STXBP5L: variants seen among roughly 807,000 people sequenced by gnomAD.
STXBP5L encodes syntaxin binding protein 5L.
Under a neutral mutation model 144.5 loss-of-function variants are expected in STXBP5L, and 65 were observed. The ratio of observed to expected loss-of-function variants is 0.45; its 90% confidence interval spans 0.37 to 0.55. The LOEUF (loss-of-function observed/expected upper bound fraction) is 0.55. STXBP5L is among the 20% of genes least tolerant of loss of function. STXBP5L has a pLI of 0.00. For missense variants in STXBP5L, 1,298 were observed against 1,405.5 expected (o/e 0.92, Z 1.22); for synonymous variants, 505 against 469.6 (o/e 1.08, Z -0.97).
intron 15 of STXBP5L, among the ~76,000 whole-genome samples, chr3:121,252,255 A>G (rs1257516313): frequency 6.6e-6 from 1 of 151,938 alleles, no homozygotes; most frequent in Non-Finnish European, 1.5e-5. Context: ...GGTCCCAGCT[A>G]CTCGGGAGGC....
At chr3:120,908,625 G>T (rs1201906861) in intron 1 of STXBP5L, among the ~76,000 whole-genome samples, 1 of 151,572 alleles carries the variant, frequency 6.6e-6, no homozygotes, top group East Asian at 2.0e-4. Flanking sequence ...CGCTGGGCCT[G>T]GGGGAGGGAC....
At chr3:121,400,049 C>G (rs747867151) in intron 22 of STXBP5L, among the ~76,000 whole-genome samples, 12 of 152,224 alleles carry the variant, frequency 7.9e-5, no homozygotes, top group Non-Finnish European at 1.2e-4. Context: ...TTACTTGTCC[C>G]TTTTGTCTAC....
At chr3:121,401,492 C>T (rs1387778773) in intron 22 of STXBP5L, among the ~76,000 whole-genome samples, 1 of 146,484 alleles carries the variant, frequency 6.8e-6, no homozygotes, top group Admixed American at 7.0e-5. Flanking sequence ...TTGGAACCAA[C>T]CCAAATGTCC....
intron 5 of STXBP5L, among the ~76,000 whole-genome samples, chr3:121,066,806 A>G (rs889620327): frequency 1.3e-5 from 2 of 152,102 alleles, no homozygotes; most frequent in African/African-American, 4.8e-5. Flanking sequence ...CCCTCTTAAA[A>G]TTTGGAAAAA....
At chr3:121,215,125 C>T (rs1577231189) in intron 10 of STXBP5L, among the ~76,000 whole-genome samples, 2 of 152,020 alleles carry the variant, frequency 1.3e-5, no homozygotes, top group Non-Finnish European at 2.9e-5. Flanking sequence ...CTCCGTAATA[C>T]AGCACACTGA....
chr3:120,973,314 CAA>C (rs1940499573), intron 3 of STXBP5L, among the ~76,000 whole-genome samples: 1 of 151,938 alleles, frequency 6.6e-6, no homozygotes, highest in Non-Finnish European at 1.5e-5. Context: ...TATATGTTTT[CAA>C]GAGTTTATTC....
intron 7 of STXBP5L, among the ~76,000 whole-genome samples, chr3:121,151,874 TATTATAATCATG>T (rs1379472386): frequency 1.3e-5 from 2 of 152,116 alleles, no homozygotes; most frequent in Non-Finnish European, 2.9e-5. Flanking sequence ...AAGATGATCA[TATTATAATCATG>T]ATATGTTCTA....
At chr3:121,354,210 A>T (rs1289475572) in intron 20 of STXBP5L, among the ~76,000 whole-genome samples, 1 of 152,192 alleles carries the variant, frequency 6.6e-6, no homozygotes, top group Non-Finnish European at 1.5e-5. Flanking sequence ...TTTGTTGCAG[A>T]GCTGAGTTCA....
intron 19 of STXBP5L, among the ~76,000 whole-genome samples, chr3:121,285,876 G>C (rs912824491): frequency 2.0e-5 from 3 of 151,996 alleles, no homozygotes; most frequent in African/African-American, 7.2e-5. Flanking sequence ...TTCTATAAAT[G>C]TTAGTTATTA....
intron 9 of STXBP5L, among the ~76,000 whole-genome samples, chr3:121,176,390 T>G (rs1293723865): frequency 1.3e-5 from 2 of 149,978 alleles, no homozygotes; most frequent in Non-Finnish European, 3.0e-5. Flanking sequence ...TTGTAGCAAC[T>G]GTCAATAAAA....
At chr3:121,063,869 C>G (rs1367010033) in intron 5 of STXBP5L, among the ~76,000 whole-genome samples, 1 of 152,044 alleles carries the variant, frequency 6.6e-6, no homozygotes, top group Non-Finnish European at 1.5e-5. Context: ...TCAGATCGAC[C>G]TCAGACTGCT....
chr3:121,040,864 A>G (rs1947098249), intron 3 of STXBP5L, among the ~76,000 whole-genome samples: 1 of 152,110 alleles, frequency 6.6e-6, no homozygotes, highest in South Asian at 2.1e-4. Flanking sequence ...TTTGTTACAT[A>G]CATTTTGTAC....
At chr3:121,394,601 G>GA (rs2046679246) in intron 22 of STXBP5L, among the ~76,000 whole-genome samples, 1 of 114,740 alleles carries the variant, frequency 8.7e-6, no homozygotes, top group South Asian at 3.1e-4. Flanking sequence ...GTTTGTTGAG[G>GA]GTTTTTTTTT....
At chr3:121,167,346 C>T (rs974629320) in intron 9 of STXBP5L, among the ~76,000 whole-genome samples, 2 of 152,120 alleles carry the variant, frequency 1.3e-5, no homozygotes, top group African/African-American at 2.4e-5. Context: ...AATCCATCCT[C>T]ATATAAAGAT....
At chr3:121,401,063 G>A (rs1184017494) in intron 22 of STXBP5L, among the ~76,000 whole-genome samples, 4 of 151,874 alleles carry the variant, frequency 2.6e-5, no homozygotes, top group Non-Finnish European at 5.9e-5. Context: ...TGAAATCCAA[G>A]AGCAGGCAGT....
chr3:120,960,774 G>T (rs145476321), intron 3 of STXBP5L, among the ~76,000 whole-genome samples: 2 of 152,056 alleles, frequency 1.3e-5, no homozygotes, highest in East Asian at 1.9e-4. Context: ...GTGGGGGCAG[G>T]GGGGAGGGAT....
chr3:121,067,131 G>A (rs1055176131), intron 5 of STXBP5L, among the ~76,000 whole-genome samples: 55 of 151,592 alleles, frequency 3.6e-4, no homozygotes, highest in Admixed American at 3.2e-3. Flanking sequence ...TAGAATTCTT[G>A]ATTTTTTTCA....
chr3:121,271,426 A>G (rs1473961583), intron 18 of STXBP5L, among the ~76,000 whole-genome samples: 1 of 152,016 alleles, frequency 6.6e-6, no homozygotes, highest in Non-Finnish European at 1.5e-5. Context: ...TCTTTAGTCT[A>G]CCCCTGGAAT....
intron 5 of STXBP5L, among the ~76,000 whole-genome samples, chr3:121,052,170 C>T (rs1438614298): frequency 3.3e-5 from 5 of 152,168 alleles, no homozygotes; most frequent in Non-Finnish European, 7.4e-5. Context: ...GAGCTGGTAC[C>T]ATTCCTTCTG....
Sources: allele counts gnomAD v4.1 joint callset (sites outside exome capture counted in the v4.1 genomes callset), GRCh38; gene constraint gnomAD v4.1.1; transcripts MANE v1.5; gene names NCBI Gene and HGNC (gene_info 2026-07-23, HGNC 2026-07-21).